Variants in NADK2 observed in about 807,000 individuals in gnomAD.
NADK2 encodes NAD kinase 2, mitochondrial, also known as NAD kinase domain-containing protein 1, mitochondrial.
A neutral mutation model predicts 62.1 loss-of-function variants in NADK2; 35 were observed. That is an observed-to-expected ratio of 0.56 (90% CI 0.43 to 0.75). NADK2 has a LOEUF of 0.75. Ranked by LOEUF, NADK2 falls within the 30% of genes least tolerant of loss-of-function variation. NADK2 has a pLI of 0.00. For synonymous variants in NADK2, 205 were observed against 207.9 expected (o/e 0.99, Z 0.12); for missense variants, 439 against 561.3 (o/e 0.78, Z 2.20).
At chr5:36,229,175 TTAAA>T (rs1245391088) in intron 1 of NADK2, among the ~76,000 whole-genome samples, 9 of 130,918 alleles carry the variant, frequency 6.9e-5, no homozygotes, top group African/African-American at 2.6e-4. Context: ...TTAAGAGTTT[TTAAA>T]TAGTTTTGTC....
At chr5:36,239,910 A>C (rs1201891312) in intron 1 of NADK2, among the ~76,000 whole-genome samples, 1 of 152,214 alleles carries the variant, frequency 6.6e-6, no homozygotes, top group African/African-American at 2.4e-5. Flanking sequence ...CAGGGCCTAG[A>C]ACTGAGCTCT....
chr5:36,219,504 C>G (rs944234533), intron 5 of NADK2, 92 bp downstream of exon 5: 10 of 1,135,512 alleles, frequency 8.8e-6, no homozygotes, highest in Non-Finnish European at 1.3e-5. Flanking sequence ...AGATACCGTG[C>G]CCTGCCTGAT....
chr5:36,226,285 T>A (rs563761777), intron 3 of NADK2, among the ~76,000 whole-genome samples, 190 bp downstream of exon 3: 1 of 152,196 alleles, frequency 6.6e-6, no homozygotes, highest in Non-Finnish European at 1.5e-5. Context: ...AGGAACCTCA[T>A]AGTAACGTCA....
At chr5:36,225,665 T>G in intron 3 of NADK2, 42 bp from the exon 4 acceptor site, 1 of 1,574,512 alleles carries the variant, frequency 6.4e-7, no homozygotes, top group Non-Finnish European at 8.7e-7. Context: ...ACCAAATTTC[T>G]GTTATAAATC....
At chr5:36,227,380 T>C in intron 2 of NADK2, 97 bp downstream of exon 2, 1 of 473,512 alleles carries the variant, frequency 2.1e-6, no homozygotes, top group Middle Eastern at 3.0e-4. Context: ...ATAATAACAA[T>C]CATCACTAAA....
chr5:36,237,985 G>A (rs1747970992), intron 1 of NADK2, among the ~76,000 whole-genome samples: 1 of 152,138 alleles, frequency 6.6e-6, no homozygotes, highest in African/African-American at 2.4e-5. Flanking sequence ...AAGCAAAAGA[G>A]AGAAAGGGCC....
At chr5:36,218,025 A>C in intron 5 of NADK2, 141 bp from the exon 6 acceptor site, 1 of 674,544 alleles carries the variant, frequency 1.5e-6, no homozygotes, top group Non-Finnish European at 2.4e-6. Context: ...AGAAACACCT[A>C]AAGCCTATAG....
chr5:36,225,794 T>TA (rs1304143793), intron 3 of NADK2, among the ~76,000 whole-genome samples, 171 bp from the exon 4 acceptor site: 3 of 152,360 alleles, frequency 2.0e-5, no homozygotes, highest in South Asian at 2.1e-4. Context: ...TCTCCCACTC[T>TA]AATCCAGGAT....
rs745681928 is a variant in NADK2, at chr5:36,227,468, T to C, written c.389+9A>G. ...AAATCCAACCCAAGACCCAATCCCATAGACTTACCGTAAACTATCTATAAT... is the reference window on the plus strand; with the variant it reads ...AAATCCAACCCAAGACCCAATCCCACAGACTTACCGTAAACTATCTATAAT... On this transcript the variant is annotated intron_variant, in intron 2 of 11. Transcript: ENST00000381937. The C allele has an allele frequency of 1.4e-5, 20 of 1,459,662 alleles. No individual in the cohort carries two copies. The South Asian group carries it at 2.3e-4, about 17-fold the overall frequency. The allele number at this position is 1,459,662 out of a possible 1,614,324, so 90.4% of individuals were successfully genotyped here.
chr5:36,213,406 C>A (rs61063007), intron 6 of NADK2, among the ~76,000 whole-genome samples: 1 of 151,976 alleles, frequency 6.6e-6, no homozygotes, highest in East Asian at 1.9e-4. Flanking sequence ...TTATTATATT[C>A]TTCTGTTTAT....
intron 1 of NADK2, among the ~76,000 whole-genome samples, chr5:36,234,169 T>C (rs953245421): frequency 6.6e-6 from 1 of 151,550 alleles, no homozygotes; most frequent in Non-Finnish European, 1.5e-5. Context: ...GGTCAGGAGA[T>C]CGAGACCATC....
rs745693492 is a variant in NADK2, at chr5:36,201,063, G to A, written c.1012+43C>T. The A allele has an allele frequency of 6.2e-5, 95 of 1,539,928 alleles. No individual in the cohort carries two copies. The Admixed American group carries it at 8.5e-4, about 14-fold the overall frequency. Reference sequence around the variant, plus strand: ...CTGGGGGTTCTGGAACTTGTCCCCTGCGGATAAGAGGGGACTACTCCAATA... The same window carrying A: ...CTGGGGGTTCTGGAACTTGTCCCCTACGGATAAGAGGGGACTACTCCAATA... On this transcript the variant is annotated intron_variant, in intron 9 of 11. Coordinates refer to ENST00000381937, the MANE Select transcript of NADK2 (RefSeq NM_001085411.3).
chr5:36,227,371 T>C, intron 2 of NADK2, 106 bp downstream of exon 2: 1 of 457,596 alleles, frequency 2.2e-6, no homozygotes, highest in Non-Finnish European at 3.7e-6. Context: ...AATGATTTTA[T>C]AATAACAATC....
Position 36,224,581 on chromosome 5 carries a change from A to C in NADK2, c.560+961T>G, listed in dbSNP as rs556358569. On this transcript the variant is annotated intron_variant, in intron 4 of 11. Coordinates refer to ENST00000381937, the MANE Select transcript of NADK2 (RefSeq NM_001085411.3). ...CAAAAAAAAAAAAAAAGAAAGAAAG[A>C]AAGCAAGAAAGAAATATTTAAGAAA... Among the ~76,000 whole-genome samples the C allele has an allele frequency of 9.9e-4, 151 of 152,104 alleles. 2 individuals carry two copies. The highest frequency in any genetic ancestry group is 2.0e-3 in the Non-Finnish European group (138 of 67,954).
At chr5:36,204,048 AT>A (rs1746545795) in intron 8 of NADK2, among the ~76,000 whole-genome samples, 1 of 152,148 alleles carries the variant, frequency 6.6e-6, no homozygotes, top group Non-Finnish European at 1.5e-5. Flanking sequence ...TACTTCTTGT[AT>A]AACTTTGGCC....
At chr5:36,214,154 T>G (rs1026044190) in intron 6 of NADK2, among the ~76,000 whole-genome samples, 1 of 152,184 alleles carries the variant, frequency 6.6e-6, no homozygotes, top group African/African-American at 2.4e-5. Flanking sequence ...CTTGCCACAA[T>G]GGGACATGAA....
chr5:36,208,641 G>A (rs893589401), intron 7 of NADK2: 1 of 1,532,582 alleles, frequency 6.5e-7, no homozygotes, highest in African/African-American at 1.4e-5. Flanking sequence ...TTTAGAGTGG[G>A]TATACTTCTT....
Position 36,207,243 on chromosome 5 carries a change from C to A in NADK2, c.883G>T (p.Val295Phe), listed in dbSNP as rs1321918998. The change falls in exon 8 of 12, where the codon GTT (valine) becomes TTT (phenylalanine). Residue 295 changes from valine (V) to phenylalanine (F), a missense_variant. Transcript: ENST00000381937. ...TGTTTTTCCCATGGACCATCATCAA[C>A]TGAAATCTCATAGTAGGAAGCCCTG... ...SSRASYYEIS[V>F]DDGPWEKQKS... The A allele has an allele frequency of 6.2e-7, 1 of 1,612,708 alleles. No individual in the cohort carries two copies. The highest frequency in any genetic ancestry group is 1.1e-5 in the South Asian group (1 of 90,970).
rs1448741215 is a variant in NADK2, at chr5:36,241,342, G to A, written c.300+157C>T. On this transcript the variant is annotated intron_variant, in intron 1 of 11. Coordinates refer to ENST00000381937, the MANE Select transcript of NADK2 (RefSeq NM_001085411.3). This position sits in a 1 kb window ranked among gnomAD's most constrained non-coding sequence, Gnocchi z 4.9. ...CACGCCCAAAGGCAAAGGAGGCCCAGGGAGAAGCCAGAGGACCTGGGGGCC... is the reference window on the plus strand; with the variant it reads ...CACGCCCAAAGGCAAAGGAGGCCCAAGGAGAAGCCAGAGGACCTGGGGGCC... 1.5e-6 allele frequency: 2 copies of A among 1,312,948 alleles called. No individual in the cohort carries two copies. The highest frequency in any genetic ancestry group is 3.2e-5 in the East Asian group (1 of 31,652). 81.3% of individuals were successfully genotyped at this position (1,312,948 alleles called of 1,614,324 possible).
Sources: allele counts gnomAD v4.1 joint callset (sites outside exome capture counted in the v4.1 genomes callset), GRCh38; gene constraint gnomAD v4.1.1; non-coding constraint Gnocchi (gnomAD v3.1); transcripts MANE v1.5; gene names NCBI Gene and HGNC (gene_info 2026-07-23, HGNC 2026-07-21).